The following ACVR2A variants were observed in gnomAD, a reference collection of about 807,000 sequenced individuals.
The protein encoded by ACVR2A is activin A receptor type 2A.
In ACVR2A, 7 loss-of-function variants were observed where a neutral mutation model predicts 61.4. The ratio of observed to expected loss-of-function variants is 0.11; its 90% CI spans 0.06 to 0.21. ACVR2A has a LOEUF of 0.21. ACVR2A is among the 10% of genes least tolerant of loss of function. The pLI is 1.00. For synonymous variants in ACVR2A, 193 were observed against 208.3 expected (o/e 0.93, Z 0.63); for missense variants, 322 against 621.7 (o/e 0.52, Z 5.13).
chr2:147,913,471 A>T (rs1687168967), intron 4 of ACVR2A, among the ~76,000 whole-genome samples: 1 of 151,928 alleles, frequency 6.6e-6, no homozygotes, highest in Non-Finnish European at 1.5e-5. Context: ...TAGTTTAAAT[A>T]TGTCTTTATG....
chr2:147,875,142 TG>T (rs914517006), intron 1 of ACVR2A, among the ~76,000 whole-genome samples: 17 of 152,158 alleles, frequency 1.1e-4, no homozygotes, highest in African/African-American at 4.1e-4. Flanking sequence ...GTTTAGAGTG[TG>T]TCAGTATTAT....
intron 1 of ACVR2A, among the ~76,000 whole-genome samples, chr2:147,878,438 C>G (rs975084391): frequency 2.0e-5 from 3 of 147,770 alleles, no homozygotes; most frequent in Non-Finnish European, 4.5e-5. Context: ...ACAAATAAGA[C>G]TTTTACTTTT....
At chr2:147,918,967 T>C (rs970747632) in intron 7 of ACVR2A, among the ~76,000 whole-genome samples, 1 of 152,116 alleles carries the variant, frequency 6.6e-6, no homozygotes, top group African/African-American at 2.4e-5. Context: ...TTGCTTGTTT[T>C]TTGAATGACC....
chr2:147,896,645 T>C, intron 2 of ACVR2A, 137 bp downstream of exon 2: 1 of 719,740 alleles, frequency 1.4e-6, no homozygotes, highest in Non-Finnish European at 2.3e-6. Flanking sequence ...ATAAAGAACA[T>C]TATAACATGC....
At chr2:147,900,948 G>A (rs533551914) in intron 4 of ACVR2A, among the ~76,000 whole-genome samples, 4 of 152,062 alleles carry the variant, frequency 2.6e-5, no homozygotes, top group Non-Finnish European at 5.9e-5. Flanking sequence ...CAATCTGTTA[G>A]CATTAGATCA....
At chr2:147,906,653 ATT>A (rs999258999) in intron 4 of ACVR2A, among the ~76,000 whole-genome samples, 12 of 152,060 alleles carry the variant, frequency 7.9e-5, no homozygotes, top group Non-Finnish European at 1.5e-4. Context: ...AAACAGAATC[ATT>A]TTTACTGAAA....
In ACVR2A at chr2:147,890,834, G is replaced by C. The variant is rs188488735; in HGVS notation, c.56-5467G>C. On this transcript the variant is annotated intron_variant, in intron 1 of 10. Transcript: ENST00000241416. ...TTTATAATCATGATGTTACTATATTGAGTTTTTTTAGAGACTTGATGGGAT... is the reference window on the plus strand; with the variant it reads ...TTTATAATCATGATGTTACTATATTCAGTTTTTTTAGAGACTTGATGGGAT... Among the ~76,000 whole-genome samples, 177 of 152,016 alleles carry C rather than the reference G, an allele frequency of 1.2e-3. 4 individuals carry two copies. Among genetic ancestry groups the C allele is most frequent in the Admixed American group, 0.011 (172 of 15,248 alleles).
intron 1 of ACVR2A, among the ~76,000 whole-genome samples, chr2:147,861,560 T>C (rs1685728103): frequency 6.6e-6 from 1 of 152,146 alleles, no homozygotes; most frequent in Non-Finnish European, 1.5e-5. Context: ...TCGGAACATT[T>C]TGTGTGACAG....
intron 6 of ACVR2A, 141 bp from the exon 7 acceptor site, chr2:147,918,306 C>A: frequency 1.6e-6 from 1 of 607,034 alleles, no homozygotes; most frequent in Non-Finnish European, 2.6e-6. Context: ...ACCATTTGAA[C>A]CATTCCAGAA....
chr2:147,903,877 G>A (rs1245554926), intron 4 of ACVR2A, among the ~76,000 whole-genome samples: 1 of 151,908 alleles, frequency 6.6e-6, no homozygotes, highest in Non-Finnish European at 1.5e-5. Flanking sequence ...GTATTTGTAT[G>A]GAATAATCAT....
At chr2:147,917,503 A>T in intron 6 of ACVR2A, 77 bp downstream of exon 6, 3 of 1,486,304 alleles carry the variant, frequency 2.0e-6, no homozygotes, top group Non-Finnish European at 2.7e-6. Context: ...AATCCCTCAG[A>T]GTTATTTTTC....
chr2:147,927,128 G>A lies in ACVR2A; in HGVS notation c.1396G>A (p.Ala466Thr), dbSNP rs749174459. 3.7e-6 allele frequency: 6 copies of A among 1,611,996 alleles called. No homozygotes were observed. Among genetic ancestry groups the A allele is most frequent in the African/African-American group, 2.7e-5 (2 of 74,750 alleles). Residue 466 changes from alanine (A) to threonine (T), a missense_variant, in exon 11 of 11, where the codon GCA becomes ACA. By Grantham distance (58) the Ala-to-Thr change is moderately conservative. Around this residue, in one of 3 missense-constraint regions of ACVR2A, gnomAD observed 146 missense variants for 383.8 expected, o/e 0.38. Transcript: ENST00000241416. ...ETIEECWDHD[A>T]EARLSAGCVG... ...CATTGAAGAATGTTGGGATCACGAC[G>A]CAGAAGCCAGGTTATCAGCTGGATG...
At position 147,869,323 on chromosome 2, in the gene ACVR2A, G is replaced by A. The variant is rs866954229; in HGVS notation, c.55+24116G>A. On this transcript the variant is annotated intron_variant, in intron 1 of 10. Coordinates refer to ENST00000241416, the MANE Select transcript of ACVR2A (RefSeq NM_001616.5). ...TTGTAAAAGTGTTGAAATTGATTTT[G>A]CATCATTCATAAGGGAGACTGACTA... Among the ~76,000 whole-genome samples, 8 of 152,040 alleles carry A rather than the reference G, an allele frequency of 5.3e-5. No homozygotes were observed. The South Asian group carries it at 1.0e-3, about 20-fold the overall frequency.
At chr2:147,899,401 T>C (rs1686819303) in intron 2 of ACVR2A, 57 bp from the exon 3 acceptor site, 22 of 1,139,752 alleles carry the variant, frequency 1.9e-5, no homozygotes, top group Non-Finnish European at 2.6e-5. Flanking sequence ...AAAACACTTG[T>C]TGTAGGGTCA....
In ACVR2A at chr2:147,860,806, A is replaced by C. The variant is rs548262917; in HGVS notation, c.55+15599A>C. On this transcript the variant is annotated intron_variant, in intron 1 of 10. Transcript: ENST00000241416. ...CTTTTACAATGGGAATTACTGTTTC[A>C]TAGGGAATGAGTTTTAACTATGTAG... Among the ~76,000 whole-genome samples the C allele has an allele frequency of 1.1e-4, 16 of 152,312 alleles. No individual in the cohort carries two copies. The East Asian group carries it at 2.7e-3, about 26-fold the overall frequency.
At chr2:147,901,470 T>A (rs973002827) in intron 4 of ACVR2A, among the ~76,000 whole-genome samples, 4 of 152,042 alleles carry the variant, frequency 2.6e-5, no homozygotes, top group South Asian at 4.1e-4. Flanking sequence ...GTCAGTTTTT[T>A]AAGAAAGACT....
intron 1 of ACVR2A, among the ~76,000 whole-genome samples, chr2:147,870,275 A>G (rs548066783): frequency 6.6e-6 from 1 of 152,048 alleles, no homozygotes; most frequent in South Asian, 2.1e-4. Context: ...GTATTGGCCT[A>G]TTTTTTCCTC....
At chr2:147,905,127 T>C (rs993253609) in intron 4 of ACVR2A, among the ~76,000 whole-genome samples, 11 of 152,100 alleles carry the variant, frequency 7.2e-5, no homozygotes, top group Non-Finnish European at 1.5e-5. Context: ...TCCCTTTCTC[T>C]GTCACTTTCC....
intron 7 of ACVR2A, 38 bp from the exon 8 acceptor site, chr2:147,920,192 A>C: frequency 7.4e-6 from 10 of 1,345,568 alleles, no homozygotes; most frequent in Non-Finnish European, 9.6e-6. Context: ...AAAGGTAACT[A>C]GTTTAAACTT....
Sources: allele counts gnomAD v4.1 joint callset (sites outside exome capture counted in the v4.1 genomes callset), GRCh38; gene constraint gnomAD v4.1.1; regional missense constraint gnomAD v4.1.1; transcripts MANE v1.5; gene names NCBI Gene and HGNC (gene_info 2026-07-23, HGNC 2026-07-21).